The following TNNI3K variants were observed in gnomAD, a reference collection of about 807,000 sequenced individuals.
The protein encoded by TNNI3K is serine/threonine-protein kinase TNNI3K.
Under a neutral mutation model 114.5 loss-of-function variants are expected in TNNI3K, and 140 were observed. That is an observed-to-expected ratio of 1.22 (90% CI 1.07 to 1.41). TNNI3K has a LOEUF of 1.41. Among genes scored for constraint, TNNI3K ranks in the 40% most tolerant of loss-of-function variants. TNNI3K has a pLI of 0.00. For synonymous variants in TNNI3K, 347 were observed against 347.5 expected (o/e 1.00, Z 0.02); for missense variants, 1,125 against 1,007.6 (o/e 1.12, Z -1.58).
intron 21 of TNNI3K, among the ~76,000 whole-genome samples, chr1:74,466,206 C>A (rs968592740): frequency 6.6e-6 from 1 of 152,162 alleles, no homozygotes; most frequent in Non-Finnish European, 1.5e-5. Flanking sequence ...CGGCTTCATT[C>A]TTGAAGTCAG....
Position 74,540,268 on chromosome 1 carries a change from G to A in TNNI3K, c.2386G>A (p.Glu796Lys), listed in dbSNP as rs1201973356. ...ATATTCCTCTCAAGGTCTGTCTTTG[G>A]AGGAGATGAAAAGAAGTCTTCAATA... The part of the protein sequence containing the change: ...GQYSSQGLSL[E>K]EMKRSLQYTP... The change falls in exon 24 of 25, where the codon GAG (glutamate) becomes AAG (lysine). Residue 796 changes from glutamate (E) to lysine (K), a missense_variant. Coordinates refer to ENST00000326637, the MANE Select transcript of TNNI3K (RefSeq NM_015978.3). 1 of 1,612,584 alleles carries A rather than the reference G, an allele frequency of 6.2e-7. No homozygotes were observed.
At chr1:74,497,920 G>C (rs1275246243) in intron 23 of TNNI3K, among the ~76,000 whole-genome samples, 1 of 152,142 alleles carries the variant, frequency 6.6e-6, no homozygotes, top group Non-Finnish European at 1.5e-5. Flanking sequence ...TCTAAACAGA[G>C]AGTGATACTG....
chr1:74,367,990 A>G (rs201230356), intron 13 of TNNI3K, 26 bp downstream of exon 13: 8 of 1,529,378 alleles, frequency 5.2e-6, no homozygotes, highest in Middle Eastern at 1.8e-4. Context: ...GACAATTGTT[A>G]TATTTAATTA....
intron 11 of TNNI3K, among the ~76,000 whole-genome samples, chr1:74,360,454 G>C (rs1357886432): frequency 6.6e-6 from 1 of 152,002 alleles, no homozygotes; most frequent in Non-Finnish European, 1.5e-5. Flanking sequence ...TTCACTCAGT[G>C]TTCACTCTTT....
At chr1:74,268,140 G>A (rs915178785) in intron 4 of TNNI3K, among the ~76,000 whole-genome samples, 3 of 151,892 alleles carry the variant, frequency 2.0e-5, no homozygotes, top group South Asian at 4.2e-4. Context: ...TCTCCAACTC[G>A]TCACTTGCCT....
chr1:74,305,879 T>G (rs1557486849), intron 5 of TNNI3K, among the ~76,000 whole-genome samples: 1 of 152,238 alleles, frequency 6.6e-6, no homozygotes, highest in Non-Finnish European at 1.5e-5. Context: ...TTCTTCTTAC[T>G]ATTTTTAAAA....
intron 17 of TNNI3K, among the ~76,000 whole-genome samples, chr1:74,393,219 A>T (rs1211364344): frequency 6.6e-6 from 1 of 152,130 alleles, no homozygotes; most frequent in Non-Finnish European, 1.5e-5. Context: ...AGCAGTGGAG[A>T]AGGACAGGAA....
At chr1:74,325,981 G>A (rs1303626339) in intron 5 of TNNI3K, among the ~76,000 whole-genome samples, 4 of 152,106 alleles carry the variant, frequency 2.6e-5, no homozygotes, top group South Asian at 2.1e-4. Context: ...CAGCTTCATT[G>A]TTCTTCTCTC....
At chr1:74,311,014 G>T (rs1459536314) in intron 5 of TNNI3K, among the ~76,000 whole-genome samples, 1 of 151,978 alleles carries the variant, frequency 6.6e-6, no homozygotes, top group Non-Finnish European at 1.5e-5. Flanking sequence ...TAAGTCAGTT[G>T]GTCCCCAGTT....
intron 5 of TNNI3K, among the ~76,000 whole-genome samples, chr1:74,283,447 C>G (rs536461657): frequency 6.6e-6 from 1 of 152,080 alleles, no homozygotes; most frequent in Non-Finnish European, 1.5e-5. Context: ...TTGTCAATTT[C>G]TTTTTGTCAC....
intron 23 of TNNI3K, among the ~76,000 whole-genome samples, chr1:74,504,938 G>T (rs2100355297): frequency 6.6e-6 from 1 of 152,300 alleles, no homozygotes; most frequent in East Asian, 1.9e-4. Flanking sequence ...AACCTGCGAA[G>T]ATTCGCCGGA....
intron 20 of TNNI3K, among the ~76,000 whole-genome samples, chr1:74,447,492 A>C (rs1666757504): frequency 7.3e-6 from 1 of 136,910 alleles, no homozygotes; most frequent in East Asian, 2.1e-4. Context: ...TTATGCAGCC[A>C]AAAAACACAT....
chr1:74,493,413 G>GT (rs1344632188), intron 23 of TNNI3K, among the ~76,000 whole-genome samples: 5 of 152,088 alleles, frequency 3.3e-5, no homozygotes, highest in African/African-American at 1.2e-4. Flanking sequence ...AAGCAAAAAG[G>GT]TAAGTCAGAA....
At chr1:74,324,012 A>C (rs1659763586) in intron 5 of TNNI3K, among the ~76,000 whole-genome samples, 1 of 152,246 alleles carries the variant, frequency 6.6e-6, no homozygotes, top group Non-Finnish European at 1.5e-5. Context: ...AGTAGACAAT[A>C]GTAACAAATG....
At chr1:74,415,004 A>G (rs1218632003) in intron 17 of TNNI3K, among the ~76,000 whole-genome samples, 1 of 152,156 alleles carries the variant, frequency 6.6e-6, no homozygotes, top group East Asian at 1.9e-4. Context: ...TCAAAATACA[A>G]TTGTCTAGAA....
At chr1:74,459,174 T>A (rs1352954558) in intron 20 of TNNI3K, among the ~76,000 whole-genome samples, 1 of 152,134 alleles carries the variant, frequency 6.6e-6, no homozygotes, top group Non-Finnish European at 1.5e-5. Flanking sequence ...AAGAACAAAA[T>A]AATGTCCATT....
At chr1:74,328,545 CAATGGTTA>C (rs1204345510) in intron 5 of TNNI3K, among the ~76,000 whole-genome samples, 1 of 152,040 alleles carries the variant, frequency 6.6e-6, no homozygotes, top group African/African-American at 2.4e-5. Context: ...GCATTGCTCT[CAATGGTTA>C]AATATTTTCT....
At chr1:74,254,740 A>G (rs1316177975) in intron 4 of TNNI3K, among the ~76,000 whole-genome samples, 2 of 152,186 alleles carry the variant, frequency 1.3e-5, no homozygotes, top group Non-Finnish European at 2.9e-5. Flanking sequence ...CGCGCAAGAA[A>G]GAATTCAGGG....
intron 5 of TNNI3K, among the ~76,000 whole-genome samples, chr1:74,299,971 T>C (rs147631999): frequency 8.0e-4 from 122 of 152,300 alleles, no homozygotes; most frequent in Middle Eastern, 3.4e-3. Context: ...ATTTCATTCA[T>C]TTTTGTTCAT....
Sources: allele counts gnomAD v4.1 joint callset (sites outside exome capture counted in the v4.1 genomes callset), GRCh38; gene constraint gnomAD v4.1.1; transcripts MANE v1.5; gene names NCBI Gene and HGNC (gene_info 2026-07-23, HGNC 2026-07-21).